The following AKR1D1 variants were observed in gnomAD, a reference collection of about 807,000 sequenced individuals.
The protein encoded by AKR1D1 is aldo-keto reductase family 1 member D1, also known as delta(4)-3-ketosteroid 5-beta-reductase.
A neutral mutation model predicts 42.6 loss-of-function variants in AKR1D1; 32 were observed. The observed-to-expected ratio is 0.75, with a 90% CI of 0.57 to 1.01. AKR1D1 has a LOEUF of 1.01. Among genes scored for constraint, AKR1D1 ranks in the 50% least tolerant of loss-of-function variants. The probability of loss-of-function intolerance (pLI) is 0.00; values close to 1 mark genes in which losing one functional copy is unlikely to be tolerated. For synonymous variants in AKR1D1, 123 were observed against 135.5 expected (o/e 0.91, Z 0.64); for missense variants, 364 against 402.2 (o/e 0.91, Z 0.81).
intron 7 of AKR1D1, among the ~76,000 whole-genome samples, chr7:138,111,885 C>A (rs1466782457): frequency 6.6e-6 from 1 of 152,022 alleles, no homozygotes; most frequent in African/African-American, 2.4e-5. Context: ...AACATGACAT[C>A]CTCTATTTCA....
At chr7:138,106,147 T>A (rs1794420815) in intron 5 of AKR1D1, among the ~76,000 whole-genome samples, 1 of 152,194 alleles carries the variant, frequency 6.6e-6, no homozygotes, top group African/African-American at 2.4e-5. Flanking sequence ...TGTAGGCAAG[T>A]GATTAAATGC....
intron 7 of AKR1D1, among the ~76,000 whole-genome samples, chr7:138,110,379 G>A (rs1190740403): frequency 6.6e-6 from 1 of 152,018 alleles, no homozygotes; most frequent in Non-Finnish European, 1.5e-5. Context: ...CAGGAAGATT[G>A]CTTGAGACCA....
Position 138,116,798 on chromosome 7 carries a change from G to T in AKR1D1, c.*136G>T. ...AAATAATGATGGAAACATGTTTAATGTTTGTGCAGTGTAAATGACTTTGAC... is the reference window on the plus strand; with the variant it reads ...AAATAATGATGGAAACATGTTTAATTTTTGTGCAGTGTAAATGACTTTGAC... On this transcript the variant is annotated 3_prime_UTR_variant, in exon 9 of 9. Coordinates refer to ENST00000242375, the MANE Select transcript of AKR1D1 (RefSeq NM_005989.4). 2 of 781,400 alleles carry T rather than the reference G, an allele frequency of 2.6e-6. No individual in the cohort carries two copies. The highest frequency in any genetic ancestry group is 4.2e-6 in the Non-Finnish European group (2 of 474,766). The allele number at this position is 781,400 out of a possible 1,614,324, so 48.4% of individuals were successfully genotyped here.
intron 1 of AKR1D1, among the ~76,000 whole-genome samples, chr7:138,081,255 A>C (rs927412086): frequency 1.3e-5 from 2 of 152,110 alleles, no homozygotes; most frequent in African/African-American, 4.8e-5. Context: ...GTGTGTTAGC[A>C]CTGTTTCCTG....
At chr7:138,083,243 G>T (rs377480485) in intron 1 of AKR1D1, among the ~76,000 whole-genome samples, 2 of 152,036 alleles carry the variant, frequency 1.3e-5, no homozygotes, top group Non-Finnish European at 2.9e-5. Flanking sequence ...CATCCTAATG[G>T]GTGTGAGGTG....
chr7:138,094,360 C>T (rs1172816213), intron 3 of AKR1D1, among the ~76,000 whole-genome samples: 1 of 152,010 alleles, frequency 6.6e-6, no homozygotes, highest in Non-Finnish European at 1.5e-5. Context: ...ACAAAAAATA[C>T]AAAAATTAGC....
intron 1 of AKR1D1, 128 bp from the exon 2 acceptor site, chr7:138,088,473 A>G (rs1350982733): frequency 5.2e-6 from 6 of 1,160,370 alleles, no homozygotes; most frequent in Non-Finnish European, 6.3e-6. Context: ...TTCCAATCAC[A>G]ACAGCAAGGA....
intron 1 of AKR1D1, among the ~76,000 whole-genome samples, chr7:138,086,885 T>C (rs1227706235): frequency 6.6e-6 from 1 of 152,216 alleles, no homozygotes; most frequent in African/African-American, 2.4e-5. Flanking sequence ...AAAATTATAT[T>C]TGATGAGACT....
At position 138,092,983 on chromosome 7, in the gene AKR1D1, T is replaced by C. The variant is rs184418170; in HGVS notation, c.378+1099T>C. Reference sequence around the variant, plus strand: ...CAATAATAAATTAACATTAGCTTATTGTAACTGTTTTCAGCTTATAAATGT... The same window carrying C: ...CAATAATAAATTAACATTAGCTTATCGTAACTGTTTTCAGCTTATAAATGT... On this transcript the variant is annotated intron_variant, in intron 3 of 8. Coordinates refer to ENST00000242375, the MANE Select transcript of AKR1D1 (RefSeq NM_005989.4). Among the ~76,000 whole-genome samples the C allele has an allele frequency of 1.3e-4, 20 of 152,346 alleles. 2 individuals are homozygous for C. Among genetic ancestry groups the C allele is most frequent in the African/African-American group, 4.8e-4 (20 of 41,580 alleles).
chr7:138,089,905 C>T (rs10229164), intron 2 of AKR1D1, among the ~76,000 whole-genome samples: 2,491 of 152,202 alleles, frequency 0.016, 73 homozygotes, highest in African/African-American at 0.056. Flanking sequence ...GTCAGAGGCC[C>T]AGATCTGTCA....
At position 138,116,933 on chromosome 7, in the gene AKR1D1, C is replaced by T. The variant is rs570358233; in HGVS notation, c.*271C>T. On this transcript the variant is annotated 3_prime_UTR_variant, in exon 9 of 9. Transcript: ENST00000242375. ...CTAGATTCCAGACAGAAAAAAATTA[C>T]ACTTCAGAAAAGACATCAAAGGCAA... 5 of 432,474 alleles carry T rather than the reference C, an allele frequency of 1.2e-5. No homozygotes were observed. The highest frequency in any genetic ancestry group is 1.6e-5 in the Non-Finnish European group (4 of 242,596). 26.8% of individuals were successfully genotyped at this position (432,474 alleles called of 1,614,324 possible).
intron 3 of AKR1D1, among the ~76,000 whole-genome samples, chr7:138,092,519 C>A (rs1280516367): frequency 1.3e-5 from 2 of 152,212 alleles, no homozygotes; most frequent in African/African-American, 4.8e-5. Flanking sequence ...TGTACTTACA[C>A]AAACCGAGGT....
chr7:138,103,740 G>C (rs1022080728), intron 4 of AKR1D1, among the ~76,000 whole-genome samples: 2 of 152,060 alleles, frequency 1.3e-5, no homozygotes, highest in Non-Finnish European at 2.9e-5. Flanking sequence ...AAAAAGAGTT[G>C]TGCGTGAAGA....
chr7:138,107,364 T>G, intron 6 of AKR1D1, 51 bp from the exon 7 acceptor site: 1 of 1,589,000 alleles, frequency 6.3e-7, no homozygotes, highest in Non-Finnish European at 8.6e-7. Flanking sequence ...TTATTAACCT[T>G]TGGTTCTCAT....
intron 4 of AKR1D1, among the ~76,000 whole-genome samples, chr7:138,099,673 C>G (rs992251411): frequency 1.3e-5 from 2 of 151,448 alleles, no homozygotes; most frequent in African/African-American, 4.9e-5. Flanking sequence ...ATCCACACAA[C>G]TGGACTCTAA....
intron 3 of AKR1D1, among the ~76,000 whole-genome samples, chr7:138,095,513 TTTTTGTTTTGTTTTG>T (rs58875353): frequency 2.0e-5 from 3 of 151,740 alleles, no homozygotes; most frequent in African/African-American, 4.8e-5. Flanking sequence ...AAAATTAAAA[TTTTTGTTTTGTTTTG>T]TTTTGTTTTG....
intron 3 of AKR1D1, among the ~76,000 whole-genome samples, chr7:138,092,690 T>C (rs1001034305): frequency 1.3e-5 from 2 of 152,238 alleles, no homozygotes; most frequent in Non-Finnish European, 2.9e-5. Context: ...GTTACTATTC[T>C]GAATACTGTA....
chr7:138,090,985 G>C (rs1466358424), intron 2 of AKR1D1, among the ~76,000 whole-genome samples: 1 of 152,224 alleles, frequency 6.6e-6, no homozygotes, highest in African/African-American at 2.4e-5. Flanking sequence ...GAAGGACCCA[G>C]TGAAGCCACA....
At chr7:138,113,631 C>T in intron 7 of AKR1D1, 59 bp from the exon 8 acceptor site, 2 of 1,459,626 alleles carry the variant, frequency 1.4e-6, no homozygotes, top group Non-Finnish European at 1.9e-6. Flanking sequence ...CACCGGTGGC[C>T]CCACTTTCTG....
Sources: allele counts gnomAD v4.1 joint callset (sites outside exome capture counted in the v4.1 genomes callset), GRCh38; gene constraint gnomAD v4.1.1; transcripts MANE v1.5; gene names NCBI Gene and HGNC (gene_info 2026-07-23, HGNC 2026-07-21).